The following KCNH7 variants were observed in gnomAD, a reference collection of about 807,000 sequenced individuals.
The protein encoded by KCNH7 is voltage-gated inwardly rectifying potassium channel KCNH7.
KCNH7 carries 49 observed loss-of-function variants against 120.8 expected under a neutral mutation model. The observed-to-expected ratio is 0.41, with a 90% CI of 0.32 to 0.51. KCNH7 has a LOEUF of 0.51. Among genes scored for constraint, KCNH7 ranks in the 20% least tolerant of loss-of-function variants. KCNH7 has a pLI of 0.38. For missense variants in KCNH7, 1,097 were observed against 1,446.6 expected (o/e 0.76, Z 3.92); for synonymous variants, 547 against 516.1 (o/e 1.06, Z -0.81).
intron 3 of KCNH7, among the ~76,000 whole-genome samples, chr2:162,525,011 T>A (rs1315870893): frequency 1.3e-5 from 2 of 151,786 alleles, no homozygotes; most frequent in East Asian, 3.9e-4. Context: ...TGGGCCACTG[T>A]AGCCAGCGCA....
intron 5 of KCNH7, among the ~76,000 whole-genome samples, chr2:162,508,096 T>C (rs1299115914): frequency 6.6e-6 from 1 of 151,620 alleles, no homozygotes; most frequent in Non-Finnish European, 1.5e-5. Context: ...GGGAATCATG[T>C]TGATATTTTA....
At chr2:162,702,775 A>G (rs925453491) in intron 2 of KCNH7, among the ~76,000 whole-genome samples, 1 of 152,138 alleles carries the variant, frequency 6.6e-6, no homozygotes, top group Non-Finnish European at 1.5e-5. Context: ...GATTTTATCA[A>G]GTGAGTTTCT....
chr2:162,525,886 G>T (rs1041403662), intron 3 of KCNH7, among the ~76,000 whole-genome samples: 1 of 151,884 alleles, frequency 6.6e-6, no homozygotes, highest in African/African-American at 2.4e-5. Context: ...GCTCTCTGGT[G>T]TGGTTATACC....
chr2:162,613,360 T>A (rs1683032028), intron 2 of KCNH7, among the ~76,000 whole-genome samples: 1 of 152,024 alleles, frequency 6.6e-6, no homozygotes, highest in Admixed American at 6.6e-5. Context: ...TCACATAGAA[T>A]TTTATTCAAA....
intron 6 of KCNH7, among the ~76,000 whole-genome samples, chr2:162,502,875 A>T (rs1166961257): frequency 6.6e-6 from 1 of 152,032 alleles, no homozygotes. Flanking sequence ...GAGATCCCAC[A>T]TGGCTGCACA....
chr2:162,694,854 C>T (rs1431060257), intron 2 of KCNH7, among the ~76,000 whole-genome samples: 1 of 152,014 alleles, frequency 6.6e-6, no homozygotes, highest in Non-Finnish European at 1.5e-5. Context: ...AGCGATTCTC[C>T]TGTCTCAGCC....
At chr2:162,725,394 T>C (rs1025757112) in intron 2 of KCNH7, among the ~76,000 whole-genome samples, 1 of 152,156 alleles carries the variant, frequency 6.6e-6, no homozygotes, top group Non-Finnish European at 1.5e-5. Flanking sequence ...TAGGGCAGAA[T>C]TTTTCTTTTA....
At chr2:162,465,211 T>C (rs567168697) in intron 6 of KCNH7, among the ~76,000 whole-genome samples, 1 of 152,258 alleles carries the variant, frequency 6.6e-6, no homozygotes, top group Admixed American at 6.5e-5. Context: ...AAACAAATTA[T>C]CTCAAGTAGA....
chr2:162,534,709 G>C (rs1346531140), intron 3 of KCNH7, among the ~76,000 whole-genome samples: 1 of 151,554 alleles, frequency 6.6e-6, no homozygotes, highest in Non-Finnish European at 1.5e-5. Context: ...CTATTTAAAT[G>C]CTTCAATAGC....
intron 2 of KCNH7, among the ~76,000 whole-genome samples, chr2:162,616,101 C>T (rs1683131565): frequency 6.6e-6 from 1 of 152,156 alleles, no homozygotes; most frequent in Non-Finnish European, 1.5e-5. Context: ...TGATTGTGTA[C>T]AGGTTATGAC....
chr2:162,376,763 A>G (rs1049292789), intron 14 of KCNH7, among the ~76,000 whole-genome samples: 16 of 152,228 alleles, frequency 1.1e-4, no homozygotes, highest in Admixed American at 1.0e-3. Flanking sequence ...CTGCATTTTA[A>G]TAAGACCCCC....
chr2:162,514,390 A>C (rs1398001230), intron 4 of KCNH7, among the ~76,000 whole-genome samples: 4 of 151,812 alleles, frequency 2.6e-5, no homozygotes, highest in African/African-American at 9.7e-5. Flanking sequence ...GTTATAAATT[A>C]TAACTGTACT....
At chr2:162,538,502 C>G (rs1399096005) in intron 2 of KCNH7, among the ~76,000 whole-genome samples, 1 of 151,994 alleles carries the variant, frequency 6.6e-6, no homozygotes, top group Admixed American at 6.6e-5. Context: ...TGCCAGGACC[C>G]CTGGAGGCTG....
At chr2:162,752,135 A>G (rs902882470) in intron 2 of KCNH7, among the ~76,000 whole-genome samples, 1 of 152,184 alleles carries the variant, frequency 6.6e-6, no homozygotes, top group African/African-American at 2.4e-5. Context: ...AAACATAAGG[A>G]TAAAATAAGC....
intron 2 of KCNH7, among the ~76,000 whole-genome samples, chr2:162,806,697 A>G (rs989601796): frequency 2.0e-5 from 3 of 152,156 alleles, no homozygotes; most frequent in African/African-American, 4.8e-5. Flanking sequence ...GGCAATGATA[A>G]CTCAGTATTA....
At position 162,611,778 on chromosome 2, in the gene KCNH7, CCT is replaced by C. The variant is rs1682975391; in HGVS notation, c.308-74700_308-74699del. On this transcript the variant is annotated intron_variant, in intron 2 of 15. Transcript: ENST00000332142. Reference sequence around the variant, plus strand: ...AGGAAGAGTAGCACCCATTTTCTCCCCTGAGACACCAGCAACTGAGTAGAAAT... The same window carrying C: ...AGGAAGAGTAGCACCCATTTTCTCCCGAGACACCAGCAACTGAGTAGAAAT... Among the ~76,000 whole-genome samples, 5 of 152,254 alleles carry C rather than the reference CCT, an allele frequency of 3.3e-5. No homozygotes were observed. The South Asian group carries it at 1.0e-3, about 32-fold the overall frequency.
intron 2 of KCNH7, among the ~76,000 whole-genome samples, chr2:162,779,895 C>T (rs1268491811): frequency 6.6e-6 from 1 of 152,172 alleles, no homozygotes; most frequent in African/African-American, 2.4e-5. Flanking sequence ...TCTTACTTTT[C>T]CCCCTCTCAA....
At chr2:162,388,179 A>T (rs1233096453) in intron 12 of KCNH7, among the ~76,000 whole-genome samples, 1 of 151,908 alleles carries the variant, frequency 6.6e-6, no homozygotes, top group Non-Finnish European at 1.5e-5. Context: ...CAAATACAAA[A>T]ATTAACAATT....
chr2:162,566,956 G>A (rs970311446), intron 2 of KCNH7, among the ~76,000 whole-genome samples: 1 of 151,916 alleles, frequency 6.6e-6, no homozygotes, highest in African/African-American at 2.4e-5. Flanking sequence ...GTATTCAAAG[G>A]ATAAAGTCTA....
Sources: allele counts gnomAD v4.1 joint callset (sites outside exome capture counted in the v4.1 genomes callset), GRCh38; gene constraint gnomAD v4.1.1; transcripts MANE v1.5; gene names NCBI Gene and HGNC (gene_info 2026-07-23, HGNC 2026-07-21).